The following PRRG2 variants were observed in gnomAD, a reference collection of about 807,000 sequenced individuals.
The protein encoded by PRRG2 is proline rich and Gla domain 2, also known as transmembrane gamma-carboxyglutamic acid protein 2.
A neutral mutation model predicts 27.1 loss-of-function variants in PRRG2; 23 were observed. The observed-to-expected ratio is 0.85, with a 90% CI of 0.61 to 1.20. PRRG2 has a LOEUF of 1.20. PRRG2 is among the 50% of genes most tolerant of loss of function. The pLI is 0.00. For synonymous variants in PRRG2, 104 were observed against 103.4 expected (o/e 1.01, Z -0.03); for missense variants, 276 against 254.8 (o/e 1.08, Z -0.57).
rs1019655020 is a variant in PRRG2 at position 49,590,847 on chromosome 19, A to G, written c.*458A>G. 3 of 173,648 alleles carry G rather than the reference A, an allele frequency of 1.7e-5. No individual in the cohort carries two copies. The highest frequency in any genetic ancestry group is 3.7e-5 in the Non-Finnish European group (3 of 81,920). The allele number at this position is 173,648 out of a possible 1,614,324, so 10.8% of individuals were successfully genotyped here. On this transcript the variant is annotated 3_prime_UTR_variant, in exon 7 of 7. Transcript: ENST00000246794. ...ACAGGGGCACTTCGTAACCCAGGGA[A>G]AGGGCGGGGGGCATATTTGCAAGCG...
In PRRG2 at chr19:49,590,386, C is replaced by T; in HGVS notation, c.606C>T (p.His202=). 6.2e-7 allele frequency: 1 copy of T among 1,614,146 alleles called. No homozygotes were observed. The highest frequency in any genetic ancestry group is 8.5e-7 in the Non-Finnish European group (1 of 1,180,006). ...PPPYTSLRRP[H] ...CCTCTTGCAGCCTCAGGAGGCCTCA[C>T]TGAAGAGCTGCTTTCGAGACCCGGC... Residue 202 remains histidine (H), a synonymous_variant, in exon 7 of 7, where the codon CAC becomes CAT. Coordinates refer to ENST00000246794, the MANE Select transcript of PRRG2 (RefSeq NM_000951.3).
intron 5 of PRRG2, among the ~76,000 whole-genome samples, chr19:49,589,021 G>A (rs953152234): frequency 6.6e-6 from 1 of 152,046 alleles, no homozygotes; most frequent in Non-Finnish European, 1.5e-5. Flanking sequence ...GAGTGGGTGT[G>A]GGAAATTGGT....
At chr19:49,590,100 A>C in intron 6 of PRRG2, 48 bp downstream of exon 6, 2 of 1,446,120 alleles carry the variant, frequency 1.4e-6, no homozygotes, top group Non-Finnish European at 1.8e-6. Context: ...AGGGGTGGGC[A>C]CGTTGGAGGA....
In PRRG2 at chr19:49,589,975, A is replaced by G. The variant is rs1318895901; in HGVS notation, c.513A>G (p.Pro171=). 6.6e-6 allele frequency: 8 copies of G among 1,213,032 alleles called. No individual in the cohort carries two copies. Among genetic ancestry groups the G allele is most frequent in the Non-Finnish European group, 9.0e-6 (8 of 890,550 alleles). The allele number at this position is 1,213,032 out of a possible 1,614,324, so 75.1% of individuals were successfully genotyped here. The change falls in exon 6 of 7, where the codon CCA becomes CCG. Residue 171 remains proline, a synonymous_variant. Coordinates refer to ENST00000246794, the MANE Select transcript of PRRG2 (RefSeq NM_000951.3). The part of the protein sequence containing the change: ...PPTPLPPPPP[P]PPGLPTYEQA... Reference sequence around the variant, plus strand: ...CGCCCCTGCCTCCACCCCCACCCCCACCCCCAGGCCTCCCCACCTATGAGC... The same window carrying G: ...CGCCCCTGCCTCCACCCCCACCCCCGCCCCCAGGCCTCCCCACCTATGAGC...
Position 49,583,292 on chromosome 19 carries a change from GAGAC to G in PRRG2, c.78_81del (p.Asp27LysfsTer14). 3.7e-6 allele frequency: 6 copies of G among 1,614,122 alleles called. No homozygotes were observed. Among genetic ancestry groups the G allele is most frequent in the Non-Finnish European group, 5.1e-6 (6 of 1,179,964 alleles). ...CTGCCTGGATACTTCACCCAGTGAG[GAGAC>G]AGACCAAGGTGAGTGTTTGGGGGAA... On this transcript the variant is annotated frameshift_variant, in exon 2 of 7. Coordinates refer to ENST00000246794, the MANE Select transcript of PRRG2 (RefSeq NM_000951.3). LOFTEE classifies it high-confidence loss of function.
chr19:49,590,194 C>T (rs1163167679), intron 6 of PRRG2, 142 bp downstream of exon 6: 27 of 1,398,268 alleles, frequency 1.9e-5, no homozygotes, highest in Non-Finnish European at 2.4e-5. Flanking sequence ...GGGCCCCATG[C>T]AATGGTCTAG....
intron 4 of PRRG2, among the ~76,000 whole-genome samples, chr19:49,587,635 G>A (rs1245894639): frequency 9.9e-5 from 15 of 151,802 alleles, no homozygotes; most frequent in Non-Finnish European, 5.9e-5. Flanking sequence ...ATAGGCATGC[G>A]CCACCGTGCC....
intron 3 of PRRG2, 39 bp from the exon 4 acceptor site, chr19:49,583,874 C>T (rs776652355): frequency 6.2e-7 from 1 of 1,610,994 alleles, no homozygotes; most frequent in Admixed American, 1.7e-5. Flanking sequence ...AGCTGAATTC[C>T]TGCTTTTTCC....
At chr19:49,588,699 AG>A in intron 5 of PRRG2, 67 bp downstream of exon 5, 1 of 1,470,094 alleles carries the variant, frequency 6.8e-7, no homozygotes, top group Non-Finnish European at 8.9e-7. Flanking sequence ...ATTGACCTAA[AG>A]GGATGTGCTA....
intron 4 of PRRG2, among the ~76,000 whole-genome samples, chr19:49,585,866 G>C (rs1051754441): frequency 2.6e-5 from 4 of 151,918 alleles, no homozygotes; most frequent in African/African-American, 9.7e-5. Flanking sequence ...GATCACCTGA[G>C]TTCAGGAGTT....
At chr19:49,580,763 T>C (rs556776512), upstream of PRRG2, 1 of 152,174 alleles carries the variant, frequency 6.6e-6, no homozygotes, top group Admixed American at 6.6e-5. Flanking sequence ...GGGGAACGCT[T>C]ACTATGTACG....
intron 4 of PRRG2, among the ~76,000 whole-genome samples, chr19:49,585,271 C>T (rs184210811): frequency 1.4e-3 from 218 of 152,334 alleles, no homozygotes; most frequent in East Asian, 4.2e-3. Flanking sequence ...TCCGGGCCTC[C>T]GATGCCCCAC....
chr19:49,582,793 G>T lies in PRRG2; in HGVS notation c.-13-414G>T, dbSNP rs182506477. On this transcript the variant is annotated intron_variant, in intron 1 of 6. Transcript: ENST00000246794. ...TGAGGCAGGAGAATGGCATGAACCT[G>T]GGGGGTGGAGTGTGCAGTGAGCGGA... Among the ~76,000 whole-genome samples the T allele has an allele frequency of 2.8e-3, 431 of 152,180 alleles. 2 individuals carry two copies. Among genetic ancestry groups the T allele is most frequent in the African/African-American group, 9.9e-3 (410 of 41,540 alleles).
In PRRG2 at chr19:49,590,550, C is replaced by A; in HGVS notation, c.*161C>A. The A allele has an allele frequency of 1.0e-6, 1 of 975,288 alleles. No homozygotes were observed. The highest frequency in any genetic ancestry group is 1.6e-6 in the Non-Finnish European group (1 of 639,538). The allele number at this position is 975,288 out of a possible 1,614,324, so 60.4% of individuals were successfully genotyped here. Reference sequence around the variant, plus strand: ...GCCTGCCCTGGCACACGCGTTTCCGCCGCGTATGGATATACACATGTTTTC... The same window carrying A: ...GCCTGCCCTGGCACACGCGTTTCCGACGCGTATGGATATACACATGTTTTC... On this transcript the variant is annotated 3_prime_UTR_variant, in exon 7 of 7. Coordinates refer to ENST00000246794, the MANE Select transcript of PRRG2 (RefSeq NM_000951.3).
intron 1 of PRRG2, 94 bp from the exon 2 acceptor site, chr19:49,583,113 T>C (rs891719483): frequency 2.2e-6 from 2 of 925,200 alleles, no homozygotes; most frequent in Non-Finnish European, 3.4e-6. Flanking sequence ...GCTGCTATTA[T>C]TGCCATTCGT....
In PRRG2 at chr19:49,588,002, C is replaced by T. The variant is rs141881126; in HGVS notation, c.302-495C>T. Among the ~76,000 whole-genome samples, 10 of 152,120 alleles carry T rather than the reference C, an allele frequency of 6.6e-5. No homozygotes were observed. In the East Asian group the frequency reaches 1.7e-3, roughly 26 times the overall value. On this transcript the variant is annotated intron_variant, in intron 4 of 6. Coordinates refer to ENST00000246794, the MANE Select transcript of PRRG2 (RefSeq NM_000951.3). ...TTGAGATGAAGTCTCACTCTTGTTG[C>T]CCTGGCTGGAGAGCAATGGCTCAAT... is the stretch of plus-strand genomic sequence containing the variant.
At chr19:49,583,773 G>C in intron 3 of PRRG2, 56 bp downstream of exon 3, 2 of 1,611,724 alleles carry the variant, frequency 1.2e-6, no homozygotes, top group Non-Finnish European at 8.5e-7. Context: ...ATACCTGTGG[G>C]GAGGTTGCAG....
intron 5 of PRRG2, among the ~76,000 whole-genome samples, chr19:49,589,600 G>A (rs2038480121): frequency 6.6e-6 from 1 of 151,702 alleles, no homozygotes; most frequent in Admixed American, 6.6e-5. Context: ...ACCCGGCAGG[G>A]CTGTCTTTTT....
intron 1 of PRRG2, among the ~76,000 whole-genome samples, chr19:49,582,344 C>T (rs1372029943): frequency 2.0e-5 from 3 of 151,378 alleles, no homozygotes; most frequent in East Asian, 2.0e-4. Flanking sequence ...GGCACAGTCT[C>T]GGCTCACTGC....
Sources: allele counts gnomAD v4.1 joint callset (sites outside exome capture counted in the v4.1 genomes callset), GRCh38; gene constraint gnomAD v4.1.1; transcripts MANE v1.5; gene names NCBI Gene and HGNC (gene_info 2026-07-23, HGNC 2026-07-21).